Variants in ERC1 observed in about 807,000 individuals in gnomAD.
ERC1 encodes the protein ELKS/RAB6-interacting/CAST family member 1, also known as RAB6 interacting protein 2.
ERC1 carries 56 observed loss-of-function variants against 132.0 expected under a neutral mutation model. That is an observed-to-expected ratio of 0.42 (90% CI 0.34 to 0.53). ERC1 has a LOEUF of 0.53. ERC1 is among the 20% of genes least tolerant of loss of function. The pLI, the probability that ERC1 is intolerant of heterozygous loss-of-function variation, is 0.03. For synonymous variants in ERC1, 478 were observed against 476.1 expected (o/e 1.00, Z -0.05); for missense variants, 1,202 against 1,349.9 (o/e 0.89, Z 1.72).
At chr12:1,011,753 C>T (rs1565779424) in intron 1 of ERC1, among the ~76,000 whole-genome samples, 1 of 152,042 alleles carries the variant, frequency 6.6e-6, no homozygotes, top group Non-Finnish European at 1.5e-5. Context: ...GGCTGGTTAG[C>T]CTAGCTAACA....
chr12:1,308,161 G>C (rs547425096), intron 15 of ERC1, among the ~76,000 whole-genome samples: 1 of 152,126 alleles, frequency 6.6e-6, no homozygotes, highest in East Asian at 1.9e-4. Flanking sequence ...CTGCCAAACA[G>C]TCATGTGTTC....
At chr12:1,456,148 A>G (rs908336215) in intron 18 of ERC1, among the ~76,000 whole-genome samples, 21 of 152,198 alleles carry the variant, frequency 1.4e-4, no homozygotes, top group Non-Finnish European at 1.5e-5. Flanking sequence ...GCAATGGCTC[A>G]TGTAGTTATA....
At chr12:1,256,017 A>G (rs1452722174) in intron 13 of ERC1, among the ~76,000 whole-genome samples, 1 of 151,940 alleles carries the variant, frequency 6.6e-6, no homozygotes, top group Non-Finnish European at 1.5e-5. Flanking sequence ...AGCATTTTTC[A>G]AGTCTGTTGG....
At chr12:1,450,580 T>A (rs1444237883) in intron 18 of ERC1, among the ~76,000 whole-genome samples, 2 of 152,240 alleles carry the variant, frequency 1.3e-5, no homozygotes, top group African/African-American at 4.8e-5. Flanking sequence ...ATTTTAGCTC[T>A]CATGAATAGT....
chr12:1,462,073 G>A (rs368819353), intron 18 of ERC1, among the ~76,000 whole-genome samples: 7 of 152,252 alleles, frequency 4.6e-5, no homozygotes, highest in African/African-American at 1.7e-4. Flanking sequence ...CAGAAGACTT[G>A]AACAGACTCT....
At chr12:1,297,156 AAC>A (rs1332607987) in intron 15 of ERC1, among the ~76,000 whole-genome samples, 1 of 151,918 alleles carries the variant, frequency 6.6e-6, no homozygotes, top group African/African-American at 2.4e-5. Flanking sequence ...CCTTATCAGA[AAC>A]AGTGAGGACC....
intron 12 of ERC1, among the ~76,000 whole-genome samples, chr12:1,218,080 T>C (rs1366273561): frequency 6.6e-6 from 1 of 152,214 alleles, no homozygotes; most frequent in African/African-American, 2.4e-5. Flanking sequence ...TGTTCTCTTA[T>C]CAAATCTGCA....
intron 3 of ERC1, among the ~76,000 whole-genome samples, chr12:1,084,878 AT>A (rs960013448): frequency 6.6e-6 from 1 of 151,880 alleles, no homozygotes; most frequent in Non-Finnish European, 1.5e-5. Flanking sequence ...TAAAAAAAAA[AT>A]TTTGTAGAGA....
chr12:1,108,535 T>C (rs1565982462), intron 4 of ERC1, among the ~76,000 whole-genome samples: 1 of 152,204 alleles, frequency 6.6e-6, no homozygotes, highest in Non-Finnish European at 1.5e-5. Flanking sequence ...AGGCTAGTCA[T>C]ATGCTTATGC....
intron 8 of ERC1, among the ~76,000 whole-genome samples, chr12:1,148,394 T>C (rs768406410): frequency 6.6e-5 from 10 of 151,950 alleles, no homozygotes; most frequent in Admixed American, 5.2e-4. Context: ...CACACACACA[T>C]ATCATGCAAA....
At chr12:1,244,442 C>T (rs1305354254) in intron 13 of ERC1, 5 of 397,434 alleles carry the variant, frequency 1.3e-5, no homozygotes, top group African/African-American at 6.2e-5. Flanking sequence ...AGTATTTCTA[C>T]GTTAAGTATA....
chr12:1,268,598 C>G (rs533948500), intron 14 of ERC1, among the ~76,000 whole-genome samples: 54 of 152,110 alleles, frequency 3.6e-4, no homozygotes, highest in African/African-American at 1.3e-3. Context: ...GGAGGAGATT[C>G]TATGTGTGAA....
intron 8 of ERC1, among the ~76,000 whole-genome samples, chr12:1,148,695 G>A (rs1369957283): frequency 1.3e-5 from 2 of 152,066 alleles, no homozygotes; most frequent in African/African-American, 4.8e-5. Flanking sequence ...TCCGCCTCCC[G>A]GGTTCAAGTG....
intron 7 of ERC1, among the ~76,000 whole-genome samples, chr12:1,128,592 G>A (rs1184022023): frequency 6.6e-6 from 1 of 152,052 alleles, no homozygotes; most frequent in East Asian, 1.9e-4. Flanking sequence ...TGCTGTATGA[G>A]TGTATACTTT....
rs1027430466 is a variant in ERC1, at chr12:1,161,528, A to G, written c.1738-19012A>G. Among the ~76,000 whole-genome samples, 5 of 152,226 alleles carry G rather than the reference A, an allele frequency of 3.3e-5. No individual in the cohort carries two copies. The East Asian group carries it at 9.7e-4, about 29-fold the overall frequency. ...TTGCTCCCTGGCAAAATTATACCCAATTTTTACCTAATGAGAAAAATTACA... is the reference window on the plus strand; with the variant it reads ...TTGCTCCCTGGCAAAATTATACCCAGTTTTTACCTAATGAGAAAAATTACA... On this transcript the variant is annotated intron_variant, in intron 8 of 18. Transcript: ENST00000360905.
intron 15 of ERC1, among the ~76,000 whole-genome samples, chr12:1,312,682 A>G (rs73032744): frequency 0.035 from 5,269 of 152,192 alleles, 97 homozygotes; most frequent in Middle Eastern, 0.075. Context: ...TTACATATAG[A>G]CATTTAATAT....
intron 2 of ERC1, among the ~76,000 whole-genome samples, chr12:1,060,717 G>A (rs769471520): frequency 2.1e-4 from 26 of 123,516 alleles, no homozygotes; most frequent in Admixed American, 1.4e-3. Context: ...TTCACATAAC[G>A]TGGGAAATTT....
At position 1,344,372 on chromosome 12, in the gene ERC1, A is replaced by G. The variant is rs1434874560; in HGVS notation, c.2781-27461A>G. ...CATCTCAGTGGGAGAAAGGGGGGAA[A>G]GAGGGGTTTTAACACAGTGTTCTCT... On this transcript the variant is annotated intron_variant, in intron 15 of 18. Transcript: ENST00000360905. Among the ~76,000 whole-genome samples the G allele has an allele frequency of 2.6e-5, 4 of 152,138 alleles. No individual in the cohort carries two copies. The East Asian group carries it at 7.7e-4, about 29-fold the overall frequency.
intron 17 of ERC1, among the ~76,000 whole-genome samples, chr12:1,412,925 T>A (rs937982302): frequency 6.6e-6 from 1 of 152,176 alleles, no homozygotes; most frequent in African/African-American, 2.4e-5. Flanking sequence ...CATCGTCTAA[T>A]CCAGTGCCCT....
Sources: gnomAD v4.1 joint callset for allele counts (sites outside exome capture counted in the v4.1 genomes callset) on GRCh38, gnomAD v4.1.1 for gene constraint, MANE v1.5 for transcripts, NCBI Gene and HGNC (gene_info 2026-07-23, HGNC 2026-07-21) for gene names.